The following SCAPER variants were observed in gnomAD, a reference collection of about 807,000 sequenced individuals.
SCAPER encodes the protein S-phase cyclin A associated protein in the ER, also known as S phase cyclin A-associated protein in the endoplasmic reticulum.
A neutral mutation model predicts 182.2 loss-of-function variants in SCAPER; 98 were observed. That is an observed-to-expected ratio of 0.54 (90% CI 0.46 to 0.64). The LOEUF (loss-of-function observed/expected upper bound fraction) is 0.64. Among genes scored for constraint, SCAPER ranks in the 30% least tolerant of loss-of-function variants. SCAPER has a pLI of 0.00. For missense variants in SCAPER, 1,432 were observed against 1,690.0 expected (o/e 0.85, Z 2.68); for synonymous variants, 605 against 564.6 (o/e 1.07, Z -1.01).
chr15:76,540,540 T>A (rs1236538756), intron 23 of SCAPER, among the ~76,000 whole-genome samples: 2 of 152,092 alleles, frequency 1.3e-5, no homozygotes, highest in Non-Finnish European at 1.5e-5. Flanking sequence ...ATTTTTTTAA[T>A]AAAAATATAT....
chr15:76,630,815 T>C lies in SCAPER; in HGVS notation c.2646-8986A>G, dbSNP rs151324614. 5.9e-5 allele frequency among the ~76,000 whole-genome samples: 9 copies of C among 152,350 alleles called. No individual in the cohort carries two copies. In the East Asian group the frequency reaches 1.5e-3, roughly 26 times the overall value. On this transcript the variant is annotated intron_variant, in intron 21 of 31. Coordinates refer to ENST00000563290, the MANE Select transcript of SCAPER (RefSeq NM_020843.4). ...TTCTGTGGATATCTATCAGGTCCAC[T>C]TGATCCAGAGCTGAGTTCAAGTCCT...
At chr15:76,550,703 T>C (rs1382937341) in intron 23 of SCAPER, among the ~76,000 whole-genome samples, 5 of 152,260 alleles carry the variant, frequency 3.3e-5, no homozygotes, top group Non-Finnish European at 7.3e-5. Context: ...CCTTTGGTTA[T>C]ATTCCCAGTA....
At chr15:76,494,191 T>C (rs1034201717) in intron 24 of SCAPER, among the ~76,000 whole-genome samples, 2 of 152,240 alleles carry the variant, frequency 1.3e-5, no homozygotes, top group African/African-American at 4.8e-5. Flanking sequence ...AAGTAAATTC[T>C]ATGATAAGTT....
At chr15:76,852,167 C>T (rs1051744327) in intron 4 of SCAPER, among the ~76,000 whole-genome samples, 1 of 152,166 alleles carries the variant, frequency 6.6e-6, no homozygotes, top group Non-Finnish European at 1.5e-5. Context: ...GCACCCAACA[C>T]AGGAGAAGCA....
At chr15:76,699,813 G>A (rs2147238070) in intron 20 of SCAPER, among the ~76,000 whole-genome samples, 1 of 152,342 alleles carries the variant, frequency 6.6e-6, no homozygotes, top group South Asian at 2.1e-4. Context: ...GCAGTCACAG[G>A]TTCCACATGC....
At chr15:76,579,855 C>T (rs949260641) in intron 22 of SCAPER, among the ~76,000 whole-genome samples, 1 of 151,958 alleles carries the variant, frequency 6.6e-6, no homozygotes, top group Non-Finnish European at 1.5e-5. Flanking sequence ...GGAAACCAAA[C>T]AAGAGTACAA....
At chr15:76,766,848 T>C (rs2063148066) in intron 11 of SCAPER, 70 bp downstream of exon 11, 1 of 1,319,428 alleles carries the variant, frequency 7.6e-7, no homozygotes, top group Admixed American at 2.6e-5. Flanking sequence ...CTCCAAGTCT[T>C]TCTGGCCCAG....
chr15:76,384,148 C>G (rs1031803943), intron 27 of SCAPER, among the ~76,000 whole-genome samples: 3 of 152,142 alleles, frequency 2.0e-5, no homozygotes, highest in African/African-American at 7.2e-5. Flanking sequence ...CACTGATTGC[C>G]TTTTAGAACC....
chr15:76,793,448 C>A, intron 8 of SCAPER: 1 of 534,654 alleles, frequency 1.9e-6, no homozygotes, highest in Non-Finnish European at 3.3e-6. Flanking sequence ...ACTCCTCAGC[C>A]TTCAGGGAGG....
At chr15:76,904,555 G>C (rs2074961004) in intron 1 of SCAPER, 1 of 152,230 alleles carries the variant, frequency 6.6e-6, no homozygotes, top group African/African-American at 2.4e-5. Context: ...TACAGGACCA[G>C]TTTTGTGCCT....
At chr15:76,613,134 T>A (rs2051151121) in intron 22 of SCAPER, among the ~76,000 whole-genome samples, 1 of 152,176 alleles carries the variant, frequency 6.6e-6, no homozygotes, top group Admixed American at 6.5e-5. Flanking sequence ...TACAACTATC[T>A]GATCTTCAAC....
chr15:76,466,355 A>G (rs568260033), intron 25 of SCAPER, among the ~76,000 whole-genome samples: 13 of 131,124 alleles, frequency 9.9e-5, no homozygotes, highest in African/African-American at 3.7e-4. Context: ...CTGCTGTTGA[A>G]CCCCTATTGT....
chr15:76,459,041 T>C (rs138858629), intron 25 of SCAPER, among the ~76,000 whole-genome samples: 13 of 152,214 alleles, frequency 8.5e-5, no homozygotes, highest in Middle Eastern at 3.4e-3. Context: ...ACTACAGGCA[T>C]GTGCCACCAT....
chr15:76,721,324 T>C (rs1345958360), intron 17 of SCAPER, among the ~76,000 whole-genome samples: 8 of 152,132 alleles, frequency 5.3e-5, no homozygotes, highest in Non-Finnish European at 8.8e-5. Context: ...TTTTGGTTAC[T>C]GTAGCCTTGT....
intron 23 of SCAPER, among the ~76,000 whole-genome samples, chr15:76,512,538 C>T (rs2042126988): frequency 6.6e-6 from 1 of 151,876 alleles, no homozygotes; most frequent in Non-Finnish European, 1.5e-5. Flanking sequence ...CAAGCAGCAC[C>T]ACTGCTATTC....
chr15:76,832,694 T>C (rs554867645), intron 5 of SCAPER, among the ~76,000 whole-genome samples: 1 of 152,270 alleles, frequency 6.6e-6, no homozygotes, highest in South Asian at 2.1e-4. Flanking sequence ...ATCCCTTTGG[T>C]GCTGTCCTCA....
At chr15:76,819,026 G>T (rs1050534083) in intron 5 of SCAPER, among the ~76,000 whole-genome samples, 4 of 152,236 alleles carry the variant, frequency 2.6e-5, no homozygotes, top group African/African-American at 9.6e-5. Flanking sequence ...CAAGGCGGCA[G>T]CGAGGCAGGG....
rs140568934 is a variant in SCAPER at position 76,613,826 on chromosome 15, C to T, written c.2711+7938G>A. ...CTGTTGGTGGGAGTGTAAATTAGTT[C>T]GGCCATTGTGGAAGACAGTGTGGTG... is the stretch of plus-strand genomic sequence containing the variant. On this transcript the variant is annotated intron_variant, in intron 22 of 31. Coordinates refer to ENST00000563290, the MANE Select transcript of SCAPER (RefSeq NM_020843.4). Among the ~76,000 whole-genome samples the T allele has an allele frequency of 1.1e-4, 17 of 152,226 alleles. No homozygotes were observed. The East Asian group carries it at 1.9e-3, about 17-fold the overall frequency.
At chr15:76,470,132 T>C (rs2050022976) in intron 25 of SCAPER, among the ~76,000 whole-genome samples, 1 of 152,190 alleles carries the variant, frequency 6.6e-6, no homozygotes, top group Admixed American at 6.5e-5. Flanking sequence ...CAGCTTGTGA[T>C]GTATCAAAAT....
Sources: allele counts gnomAD v4.1 joint callset (sites outside exome capture counted in the v4.1 genomes callset), GRCh38; gene constraint gnomAD v4.1.1; transcripts MANE v1.5; gene names NCBI Gene and HGNC (gene_info 2026-07-23, HGNC 2026-07-21).